The following DONSON variants were observed in gnomAD, a reference collection of about 807,000 sequenced individuals.
DONSON encodes protein downstream neighbor of Son.
A neutral mutation model predicts 62.1 loss-of-function variants in DONSON; 43 were observed. That is an observed-to-expected ratio of 0.69 (90% CI 0.54 to 0.89). The LOEUF is 0.89. DONSON is among the 40% of genes least tolerant of loss of function. The pLI is 0.00. For missense variants in DONSON, 696 were observed against 697.5 expected (o/e 1.00, Z 0.03); for synonymous variants, 266 against 264.6 (o/e 1.01, Z -0.05).
chr21:33,582,829 C>A (rs1389041707), intron 5 of DONSON, among the ~76,000 whole-genome samples: 1 of 152,062 alleles, frequency 6.6e-6, no homozygotes, highest in Non-Finnish European at 1.5e-5. Flanking sequence ...CATCAGTGGT[C>A]GCATTAGATT....
chr21:33,582,809 T>C (rs1184203043), intron 5 of DONSON, among the ~76,000 whole-genome samples: 2 of 152,090 alleles, frequency 1.3e-5, no homozygotes, highest in African/African-American at 4.8e-5. Context: ...CTGAGCTCCA[T>C]CTCCTGTCAC....
chr21:33,584,902 T>C (rs928912970), intron 3 of DONSON, 134 bp from the exon 4 acceptor site: 4 of 722,028 alleles, frequency 5.5e-6, no homozygotes, highest in Non-Finnish European at 4.0e-6. Context: ...ATAATTGTTA[T>C]AGGAACGAAA....
chr21:33,584,800 T>C, intron 3 of DONSON, 32 bp from the exon 4 acceptor site: 1 of 1,454,178 alleles, frequency 6.9e-7, no homozygotes, highest in Non-Finnish European at 9.2e-7. Context: ...GGGCAGTTTT[T>C]GCCCATTGAG....
In DONSON at chr21:33,578,406, G is replaced by A; in HGVS notation, c.1602C>T (p.His534=). Residue 534 remains histidine (H), a synonymous_variant, in exon 10 of 10, where the codon CAC becomes CAT. Coordinates refer to ENST00000303071, the MANE Select transcript of DONSON (RefSeq NM_017613.4). The part of the protein sequence containing the change: ...VHKELTNCGL[H]PNTLEQLSQI... ...GACTAAGTTGCTCCAGAGTGTTAGG[G>A]TGCAAACCACAGTTAGTAAGCTCCT... The A allele has an allele frequency of 6.2e-7, 1 of 1,613,982 alleles. No homozygotes were observed. Among genetic ancestry groups the A allele is most frequent in the Non-Finnish European group, 8.5e-7 (1 of 1,179,934 alleles).
rs1168815838 is a variant in DONSON, at chr21:33,584,530, A to C, written c.785+60T>G. 5.6e-6 allele frequency: 8 copies of C among 1,439,390 alleles called. No homozygotes were observed. The African/African-American group carries it at 1.1e-4, about 20-fold the overall frequency. 89.2% of individuals were successfully genotyped at this position (1,439,390 alleles called of 1,614,324 possible). On this transcript the variant is annotated intron_variant, in intron 4 of 9. Transcript: ENST00000303071. Reference sequence around the variant, plus strand: ...ACGTATCCAGTCACAAATATGATAGAGAATGCTGCTAAAATAAAATTCACT... The same window carrying C: ...ACGTATCCAGTCACAAATATGATAGCGAATGCTGCTAAAATAAAATTCACT...
chr21:33,587,218 G>A, intron 2 of DONSON: 1 of 329,882 alleles, frequency 3.0e-6, no homozygotes, highest in Non-Finnish European at 4.3e-6. Context: ...ATGAACTGGA[G>A]AAGTCAACTG....
intron 8 of DONSON, 52 bp from the exon 9 acceptor site, chr21:33,579,614 G>C: frequency 6.7e-7 from 1 of 1,485,936 alleles, no homozygotes; most frequent in Non-Finnish European, 9.3e-7. Flanking sequence ...TCAACCTTTT[G>C]CCTAGCCAAA....
rs375647265 is a variant in DONSON, at chr21:33,581,928, G to A, written c.1151+23C>T. The A allele has an allele frequency of 3.1e-6, 5 of 1,601,558 alleles. No individual in the cohort carries two copies. In the Admixed American group the frequency reaches 6.7e-5, roughly 21 times the overall value. ...CGTCATTCAATGAAAATTAATTCTA[G>A]TTAACAACAACTGAAAGGATACAGC... On this transcript the variant is annotated intron_variant, in intron 7 of 9. Transcript: ENST00000303071.
Position 33,588,636 on chromosome 21 carries a change from G to A in DONSON, c.6C>T (p.Ala2=). The part of the protein sequence containing the change: M[A]LSVPGYSPGF... ...CCGGTGAGTAGCCGGGCACCGAAAG[G>A]GCCATGACGCGCGGCGGCTGAGGGT... The change falls in exon 1 of 10, where the codon GCC becomes GCT. Residue 2 remains alanine, a synonymous_variant. Coordinates refer to ENST00000303071, the MANE Select transcript of DONSON (RefSeq NM_017613.4). 6 of 1,234,740 alleles carry A rather than the reference G, an allele frequency of 4.9e-6. No individual in the cohort carries two copies. The highest frequency in any genetic ancestry group is 3.1e-4 in the Middle Eastern group (1 of 3,198). The allele number at this position is 1,234,740 out of a possible 1,614,324, so 76.5% of individuals were successfully genotyped here. A position where few individuals can be genotyped will look rare whatever the true frequency, so the allele number is the denominator to read the frequency against.
Position 33,579,410 on chromosome 21 carries a change from A to G in DONSON, c.1503T>C (p.Tyr501=), listed in dbSNP as rs1281170181. ...TAAATACAGCAGTTGGCTCGTGTGG[A>G]TACAGTACTGCAGAGAAAGATCCAC... The part of the protein sequence containing the change: ...SQSGSFSAVL[Y]PHEPTAVFNI... Residue 501 remains tyrosine, a synonymous_variant, in exon 9 of 10, where the codon TAT becomes TAC. Coordinates refer to ENST00000303071, the MANE Select transcript of DONSON (RefSeq NM_017613.4). The G allele has an allele frequency of 1.2e-6, 2 of 1,613,698 alleles. No individual in the cohort carries two copies. Among genetic ancestry groups the G allele is most frequent in the Admixed American group, 1.7e-5 (1 of 59,976 alleles).
At chr21:33,583,743 G>C in intron 4 of DONSON, 77 bp from the exon 5 acceptor site, 1 of 1,158,966 alleles carries the variant, frequency 8.6e-7, no homozygotes, top group Non-Finnish European at 1.2e-6. Context: ...AATTCAGTTT[G>C]ATACCTGGTT....
intron 3 of DONSON, among the ~76,000 whole-genome samples, chr21:33,585,774 G>A (rs548277979): frequency 9.8e-4 from 148 of 151,000 alleles, no homozygotes; most frequent in Admixed American, 4.5e-3. Flanking sequence ...CTAAATGTAT[G>A]AGCAGTTACT....
chr21:33,586,177 G>T lies in DONSON; in HGVS notation c.407C>A (p.Ser136Ter). 1.2e-6 allele frequency: 2 copies of T among 1,613,728 alleles called. No homozygotes were observed. Among genetic ancestry groups the T allele is most frequent in the Non-Finnish European group, 1.7e-6 (2 of 1,179,692 alleles). The change falls in exon 3 of 10, where the codon TCA (serine) becomes TAA (stop). Residue 136 changes from serine to a stop codon, truncating the protein, a stop_gained. Transcript: ENST00000303071. LOFTEE classifies it high-confidence loss of function. ...RTTVTELPQT[S>*]HVSFSEPDIP... The stretch of plus-strand genomic sequence containing the variant: ...ATCAGGCTCGGAGAATGATACATGT[G>T]AAGTCTTTAGAAAACAAAGAATGCA...
At chr21:33,585,834 T>C (rs2086571228) in intron 3 of DONSON, 144 bp downstream of exon 3, 1 of 758,910 alleles carries the variant, frequency 1.3e-6, no homozygotes, top group Non-Finnish European at 2.1e-6. Context: ...AAGCACCATC[T>C]GGGAAAGACA....
chr21:33,587,701 G>C (rs1017875119), intron 1 of DONSON, 99 bp from the exon 2 acceptor site: 6 of 741,380 alleles, frequency 8.1e-6, no homozygotes, highest in East Asian at 2.8e-5. Context: ...CTCAATAAAC[G>C]CAAGTACACC....
intron 2 of DONSON, chr21:33,587,287 G>T (rs2086588330): frequency 7.0e-6 from 6 of 859,714 alleles, no homozygotes; most frequent in Non-Finnish European, 5.6e-6. Context: ...CGTCTATCAG[G>T]CCTATTTTAG....
intron 2 of DONSON, chr21:33,587,210 G>T: frequency 3.4e-6 from 1 of 291,932 alleles, no homozygotes; most frequent in Non-Finnish European, 5.1e-6. Context: ...TCTGAGTGAT[G>T]AACTGGAGAA....
chr21:33,582,126 TA>T, intron 6 of DONSON, 38 bp downstream of exon 6: 1 of 1,611,610 alleles, frequency 6.2e-7, no homozygotes, highest in Non-Finnish European at 8.5e-7. Context: ...CATGAGTCCA[TA>T]AGTCAGTGGA....
Position 33,582,030 on chromosome 21 carries a change from C to T in DONSON, c.1072G>A (p.Glu358Lys). ...TCCAGCCAGGAAAAACTTTCCTCTT[C>T]ATCCTCATCACTGATGGCTTGCTCC... ...GEEQAISDED[E>K]EESFSWLEEM... The change falls in exon 7 of 10, where the codon GAA (glutamate) becomes AAA (lysine). Residue 358 changes from glutamate to lysine, a missense_variant. Coordinates refer to ENST00000303071, the MANE Select transcript of DONSON (RefSeq NM_017613.4). 1.9e-6 allele frequency: 3 copies of T among 1,614,158 alleles called. No individual in the cohort carries two copies. Among genetic ancestry groups the T allele is most frequent in the Non-Finnish European group, 8.5e-7 (1 of 1,180,014 alleles).
Sources: gnomAD v4.1 joint callset for allele counts (sites outside exome capture counted in the v4.1 genomes callset) on GRCh38, gnomAD v4.1.1 for gene constraint, MANE v1.5 for transcripts, NCBI Gene and HGNC (gene_info 2026-07-23, HGNC 2026-07-21) for gene names.